The following CIITA variants were observed in gnomAD, a reference collection of about 807,000 sequenced individuals.
CIITA encodes the protein class II major histocompatibility complex transactivator.
In CIITA, 72 loss-of-function variants were observed where a neutral mutation model predicts 115.1. The observed-to-expected ratio is 0.63, with a 90% CI of 0.52 to 0.76. CIITA has a LOEUF of 0.76. CIITA is among the 30% of genes least tolerant of loss of function. CIITA has a pLI of 0.00. For missense variants in CIITA, 1,617 were observed against 1,463.8 expected, an observed-to-expected ratio of 1.10 and a Z score of -1.71; for synonymous variants, 763 against 635.6, an observed-to-expected ratio of 1.20 and a Z score of -3.02.
At chr16:10,871,609 T>C (rs1253948031) in intron 1 of CIITA, among the ~76,000 whole-genome samples, 1 of 152,178 alleles carries the variant, frequency 6.6e-6, no homozygotes, top group African/African-American at 2.4e-5. Context: ...CTAAGCTCCC[T>C]TCCTCCAGCT....
At chr16:10,872,108 C>A (rs1160724204) in intron 1 of CIITA, among the ~76,000 whole-genome samples, 1 of 152,086 alleles carries the variant, frequency 6.6e-6, no homozygotes, top group African/African-American at 2.4e-5. Context: ...ATTATTCTCA[C>A]CCTGTCTTTT....
chr16:10,903,981 A>G (rs555058600), intron 9 of CIITA, 86 bp downstream of exon 9: 2 of 1,575,106 alleles, frequency 1.3e-6, no homozygotes, highest in East Asian at 2.2e-5. Flanking sequence ...ATCCACAAGC[A>G]AAGCTGCCTG....
intron 8 of CIITA, 134 bp downstream of exon 8, chr16:10,902,935 C>A (rs776263007): frequency 1.8e-6 from 2 of 1,100,232 alleles, no homozygotes; most frequent in South Asian, 1.4e-5. Context: ...CCCAGCACAA[C>A]TTTCTCTGTC....
upstream of CIITA, among the ~76,000 whole-genome samples, chr16:10,876,633 C>A (rs796440979): frequency 6.6e-6 from 1 of 152,206 alleles, no homozygotes; most frequent in African/African-American, 2.4e-5. Flanking sequence ...TGGCGGGTCA[C>A]CCCAAACCAT....
intron 16 of CIITA, among the ~76,000 whole-genome samples, chr16:10,919,566 G>C (rs1410555564): frequency 6.6e-6 from 1 of 151,860 alleles, no homozygotes; most frequent in East Asian, 1.9e-4. Flanking sequence ...TGTAGTGCAG[G>C]GGTGCAATGA....
chr16:10,906,868 C>G lies in CIITA; in HGVS notation c.1376C>G (p.Pro459Arg). ...FSVPCHCLNR[P>R]GDAYGLQDLL... is the part of the protein sequence containing the mutation. The stretch of plus-strand genomic sequence containing the variant: ...GTCCCCTGCCATTGCTTGAACCGTC[C>G]GGGGGATGCCTATGGCCTGCAGGAT... The change falls in exon 11 of 20, where the codon CCG becomes CGG. Residue 459 changes from proline to arginine, a missense_variant. By Grantham distance (103) the Pro-to-Arg change is moderately radical (BLOSUM62 -2). Transcript: ENST00000324288. The G allele has an allele frequency of 1.9e-6, 3 of 1,613,502 alleles. No homozygotes were observed. The highest frequency in any genetic ancestry group is 2.5e-6 in the Non-Finnish European group (3 of 1,180,032).
At position 10,871,477 on chromosome 16, in the gene CIITA, G is replaced by A. The variant is rs933656385; in HGVS notation, c.-21+5158G>A. Among the ~76,000 whole-genome samples the A allele has an allele frequency of 2.6e-5, 4 of 152,178 alleles. No individual in the cohort carries two copies. In the East Asian group the frequency reaches 7.7e-4, roughly 29 times the overall value. Reference sequence around the variant, plus strand: ...CTTTGTTGGTTGTTTTTGTTGTTCTGATTTCATTGCGTGACATTTTTGCCC... The same window carrying A: ...CTTTGTTGGTTGTTTTTGTTGTTCTAATTTCATTGCGTGACATTTTTGCCC... On this transcript the variant is annotated intron_variant, in intron 1 of 5. Transcript: ENST00000636238.
Position 10,909,182 on chromosome 16 carries a change from T to A in CIITA, c.2811T>A (p.Thr937=). 1 of 1,614,166 alleles carries A rather than the reference T, an allele frequency of 6.2e-7. No homozygotes were observed. Among genetic ancestry groups the A allele is most frequent in the Middle Eastern group, 1.6e-4 (1 of 6,062 alleles). Residue 937 remains threonine, a synonymous_variant, in exon 12 of 20, where the codon ACT becomes ACA. Coordinates refer to ENST00000324288, the MANE Select transcript of CIITA (RefSeq NM_000246.4). ...AAGACCTGGGAAAGCTTGTGCAGAC[T>A]CAGAGGTGAGAGGAGAGGCGGATGG... ...DVEDLGKLVQ[T]QRTRSSSEDT...
At chr16:10,885,057 A>G (rs1209829050) in intron 1 of CIITA, among the ~76,000 whole-genome samples, 2 of 152,204 alleles carry the variant, frequency 1.3e-5, no homozygotes, top group Non-Finnish European at 2.9e-5. Flanking sequence ...GTCCAGGCAG[A>G]AGGCAATAGG....
upstream of CIITA, among the ~76,000 whole-genome samples, chr16:10,872,281 C>T (rs565799368): frequency 1.2e-4 from 19 of 152,120 alleles, no homozygotes; most frequent in African/African-American, 4.3e-4. Flanking sequence ...TGCCACCATG[C>T]CGAGCTAATT....
At chr16:10,880,990 G>A (rs1567362891) in intron 1 of CIITA, among the ~76,000 whole-genome samples, 2 of 152,220 alleles carry the variant, frequency 1.3e-5, no homozygotes, top group Admixed American at 1.3e-4. Flanking sequence ...AGATCAGAGA[G>A]GGGCCGGGAG....
At position 10,942,063 on chromosome 16, in the gene CIITA, C is replaced by A. The variant is rs2041110213; in HGVS notation, n.1189C>A. ...CCCGGCGAACTCAGCCGCTGCGGCG[C>A]CCGGGCGGCCGGCGAGGGCACAGCG... On this transcript the variant is annotated non_coding_transcript_exon_variant, in exon 2 of 2. Coordinates refer to the CIITA transcript ENST00000573379. The surrounding 1 kb of genome is among the most constrained non-coding windows in gnomAD (Gnocchi z 5.0). 7.6e-7 allele frequency: 1 copy of A among 1,318,848 alleles called. No individual in the cohort carries two copies. Among genetic ancestry groups the A allele is most frequent in the Admixed American group, 4.2e-5 (1 of 23,714 alleles). 81.7% of individuals were successfully genotyped at this position (1,318,848 alleles called of 1,614,324 possible).
Position 10,909,109 on chromosome 16 carries a change from A to G in CIITA, c.2738A>G (p.Glu913Gly). 1 of 1,614,200 alleles carries G rather than the reference A, an allele frequency of 6.2e-7. No homozygotes were observed. The highest frequency in any genetic ancestry group is 1.6e-4 in the Middle Eastern group (1 of 6,062). The change falls in exon 12 of 20, where the codon GAG becomes GGG. Residue 913 changes from glutamate to glycine, a missense_variant. Transcript: ENST00000324288. ...GETKLLQAAE[E>G]KFTIEPFKAK... ...ACCAAGCTACTTCAGGCAGCAGAGG[A>G]GAAGTTCACCATCGAGCCTTTCAAA...
rs1271666306 is a variant in CIITA at position 10,928,773 on chromosome 16, C to G, written c.*4918C>G. The G allele has an allele frequency of 6.6e-6, 1 of 152,384 alleles. No individual in the cohort carries two copies. The highest frequency in any genetic ancestry group is 1.5e-5 in the Non-Finnish European group (1 of 68,088). The allele number at this position is 152,384 out of a possible 1,614,324, so 9.4% of individuals were successfully genotyped here. A position where few individuals can be genotyped will look rare whatever the true frequency, so the allele number is the denominator to read the frequency against. On this transcript the variant is annotated 3_prime_UTR_variant, in exon 20 of 20. Transcript: ENST00000324288. ...CCAGCCTGGGACTTTCACGCCAGCC[C>G]GACTGGGGCAGACTCTCTCAACCCC...
chr16:10,907,449 C>G lies in CIITA; in HGVS notation c.1957C>G (p.Pro653Ala), dbSNP rs199476071. The change falls in exon 11 of 20, where the codon CCC becomes GCC. Residue 653 changes from proline to alanine, a missense_variant. Transcript: ENST00000324288. This position sits in a 1 kb window ranked among gnomAD's most constrained non-coding sequence, Gnocchi z 5.0. ...GCTGGGCCGTGCAGCCCTCGACAGC[C>G]CCCCCGGGGCCCTGGCAGAGCTGGC... ...GLLGRAALDS[P>A]PGALAELAKL... The G allele has an allele frequency of 3.1e-6, 5 of 1,613,052 alleles. No individual in the cohort carries two copies. The highest frequency in any genetic ancestry group is 3.3e-5 in the Admixed American group (2 of 60,004).
Position 10,879,141 on chromosome 16 carries a change from G to A in CIITA, c.52+1759G>A, listed in dbSNP as rs1317869293. The A allele has an allele frequency of 5.5e-5, 10 of 183,166 alleles. No individual in the cohort carries two copies. In the East Asian group the frequency reaches 8.9e-4, roughly 16 times the overall value. The allele number at this position is 183,166 out of a possible 1,614,324, so 11.3% of individuals were successfully genotyped here. On this transcript the variant is annotated intron_variant, in intron 1 of 19. Transcript: ENST00000324288. This position sits in a 1 kb window ranked among gnomAD's most constrained non-coding sequence, Gnocchi z 4.3. Reference sequence around the variant, plus strand: ...TGCTCAAGGTCACACAGCAAGTCTGGGAGGATGGGGGGATGGAATATGCAA... The same window carrying A: ...TGCTCAAGGTCACACAGCAAGTCTGAGAGGATGGGGGGATGGAATATGCAA...
intron 16 of CIITA, among the ~76,000 whole-genome samples, chr16:10,921,537 C>A (rs1019829716): frequency 6.6e-5 from 10 of 152,192 alleles, no homozygotes; most frequent in African/African-American, 2.4e-4. Flanking sequence ...AGCATTGATT[C>A]ATTTACTCCT....
At chr16:10,915,128 G>C (rs1460801682) in intron 13 of CIITA, 2 of 437,692 alleles carry the variant, frequency 4.6e-6, no homozygotes, top group Non-Finnish European at 9.1e-6. Flanking sequence ...ATGGCTCACT[G>C]CATCCTCCAC....
At chr16:10,916,277 TG>T in intron 14 of CIITA, 89 bp from the exon 15 acceptor site, 1 of 1,206,794 alleles carries the variant, frequency 8.3e-7, no homozygotes, top group South Asian at 1.3e-5. Flanking sequence ...GAAGGGCAGG[TG>T]CCAGGGCTGA....
Sources: gnomAD v4.1 joint callset for allele counts (sites outside exome capture counted in the v4.1 genomes callset) on GRCh38, gnomAD v4.1.1 for gene constraint, Gnocchi (gnomAD v3.1) non-coding constraint, MANE v1.5 for transcripts, NCBI Gene and HGNC (gene_info 2026-07-23, HGNC 2026-07-21) for gene names.